The following ARHGEF17 variants were observed in gnomAD, a reference collection of about 807,000 sequenced individuals.
ARHGEF17 encodes Rho guanine nucleotide exchange factor 17, also known as 164 kDa Rho-specific guanine-nucleotide exchange factor.
A neutral mutation model predicts 174.0 loss-of-function variants in ARHGEF17; 80 were observed. The observed-to-expected ratio is 0.46, with a 90% CI of 0.38 to 0.55. The LOEUF (loss-of-function observed/expected upper bound fraction) is 0.55, where lower values mean the gene tolerates loss of function less well. Ranked by LOEUF, ARHGEF17 falls within the 20% of genes least tolerant of loss-of-function variation. The pLI is 0.00. For missense variants in ARHGEF17, 2,886 were observed against 2,839.7 expected (o/e 1.02, Z -0.37); for synonymous variants, 1,311 against 1,189.1 (o/e 1.10, Z -2.11).
Position 73,365,459 on chromosome 11 carries a change from T to G in ARHGEF17, c.5620T>G (p.Trp1874Gly), listed in dbSNP as rs1865818873. Reference protein sequence around the residue: ...ACMVDSSLGVWVTLKGSAHVC... With the variant: ...ACMVDSSLGVGVTLKGSAHVC... ...CATGGTGGACTCCAGCCTGGGTGTG[T>G]GGGTGACATTGAAAGGTAGTGCCCA... The change falls in exon 19 of 21, where the codon TGG (tryptophan) becomes GGG (glycine). Residue 1874 changes from tryptophan to glycine, a missense_variant. This residue lies in a region of ARHGEF17 where 329 missense variants were observed against 435.2 expected (regional missense o/e 0.76). Coordinates refer to ENST00000263674, the MANE Select transcript of ARHGEF17 (RefSeq NM_014786.4). The surrounding 1 kb of genome is among the most constrained non-coding windows in gnomAD (Gnocchi z 4.9). The G allele has an allele frequency of 6.2e-7, 1 of 1,613,872 alleles. No individual in the cohort carries two copies. The highest frequency in any genetic ancestry group is 8.5e-7 in the Non-Finnish European group (1 of 1,180,038).
rs982004537 is a variant in ARHGEF17, at chr11:73,367,852, G to A, written c.*72G>A. 1.1e-4 allele frequency: 162 copies of A among 1,480,190 alleles called. No homozygotes were observed. The highest frequency in any genetic ancestry group is 2.2e-4 in the African/African-American group (16 of 72,340). 91.7% of individuals were successfully genotyped at this position (1,480,190 alleles called of 1,614,324 possible). A position where few individuals can be genotyped will look rare whatever the true frequency, so the allele number is the denominator to read the frequency against. On this transcript the variant is annotated 3_prime_UTR_variant, in exon 21 of 21. Coordinates refer to ENST00000263674, the MANE Select transcript of ARHGEF17 (RefSeq NM_014786.4). ...CTGCTTGCCTCTCCCTAGCCCACAC[G>A]CAGACTTTGACCAGGAGTATCCAGC...
Position 73,310,626 on chromosome 11 carries a change from G to A in ARHGEF17, c.1988G>A (p.Gly663Asp), listed in dbSNP as rs1864807045. Residue 663 changes from glycine to aspartate, a missense_variant, in exon 1 of 21, where the codon GGT becomes GAT. By Grantham distance (94) the Gly-to-Asp change is moderately conservative (BLOSUM62 -1). Transcript: ENST00000263674. ...CCTGTTGCAGCATTTTGCGGCCTGGGTACCACAGGGATGTGGCGACCTCTT... is the reference window on the plus strand; with the variant it reads ...CCTGTTGCAGCATTTTGCGGCCTGGATACCACAGGGATGTGGCGACCTCTT... ...EPPVAAFCGL[G>D]TTGMWRPLSS... 1 of 1,614,016 alleles carries A rather than the reference G, an allele frequency of 6.2e-7. No individual in the cohort carries two copies. Among genetic ancestry groups the A allele is most frequent in the African/African-American group, 1.3e-5 (1 of 74,932 alleles).
In ARHGEF17 at chr11:73,344,977, G is replaced by A. The variant is rs117642853; in HGVS notation, c.3193-1906G>A. Among the ~76,000 whole-genome samples, 927 of 152,330 alleles carry A rather than the reference G, an allele frequency of 6.1e-3. 9 individuals are homozygous for A. The highest frequency in any genetic ancestry group is 0.027 in the Middle Eastern group (8 of 294). On this transcript the variant is annotated intron_variant, in intron 1 of 20. Coordinates refer to ENST00000263674, the MANE Select transcript of ARHGEF17 (RefSeq NM_014786.4). ...GACCCCTCACCTGTGCAGTGGAAAT[G>A]GCAACACCTGTGTCACAGAGCTGAG...
At chr11:73,352,199 C>G (rs1290330600) in intron 2 of ARHGEF17, among the ~76,000 whole-genome samples, 1 of 152,106 alleles carries the variant, frequency 6.6e-6, no homozygotes, top group African/African-American at 2.4e-5. Context: ...TGGCGCAGAC[C>G]TGTAATCCCA....
intron 9 of ARHGEF17, among the ~76,000 whole-genome samples, chr11:73,357,977 T>G (rs960738115): frequency 3.9e-5 from 6 of 152,232 alleles, no homozygotes; most frequent in South Asian, 4.1e-4. Flanking sequence ...GCTCGGCCCC[T>G]TGGTGAACCC....
At chr11:73,350,053 A>G (rs1046040988) in intron 2 of ARHGEF17, among the ~76,000 whole-genome samples, 2 of 152,242 alleles carry the variant, frequency 1.3e-5, no homozygotes, top group African/African-American at 4.8e-5. Flanking sequence ...GGGGATAATA[A>G]TAGACCTGCC....
Position 73,309,355 on chromosome 11 carries a change from C to G in ARHGEF17, c.717C>G (p.Ser239=). The G allele has an allele frequency of 6.2e-7, 1 of 1,606,056 alleles. No homozygotes were observed. Among genetic ancestry groups the G allele is most frequent in the African/African-American group, 1.3e-5 (1 of 74,744 alleles). ...GCTCCTCCTCCTCCATCGCCGCCTC[C>G]TATCCTGTCAGCCGCAGTCGTGCTG... The part of the protein sequence containing the change: ...ASCSSSSIAA[S]YPVSRSRAAS... The change falls in exon 1 of 21, where the codon TCC becomes TCG. Residue 239 remains serine, a synonymous_variant. Transcript: ENST00000263674.
chr11:73,321,692 A>C (rs1316461398), intron 1 of ARHGEF17, among the ~76,000 whole-genome samples: 1 of 152,200 alleles, frequency 6.6e-6, no homozygotes, highest in African/African-American at 2.4e-5. Flanking sequence ...AGAGTCTAGA[A>C]TCCTGTGGTT....
chr11:73,341,354 G>A (rs1364376686), intron 1 of ARHGEF17, among the ~76,000 whole-genome samples: 1 of 152,058 alleles, frequency 6.6e-6, no homozygotes, highest in Non-Finnish European at 1.5e-5. Context: ...GCAATGGTGC[G>A]ACCTCAGCTC....
intron 1 of ARHGEF17, among the ~76,000 whole-genome samples, chr11:73,323,800 G>T (rs1428860666): frequency 6.6e-6 from 1 of 152,254 alleles, no homozygotes; most frequent in Non-Finnish European, 1.5e-5. Flanking sequence ...TAGGAGAAGG[G>T]TGGGCCCGGC....
chr11:73,324,315 C>T (rs186084269), intron 1 of ARHGEF17, among the ~76,000 whole-genome samples: 379 of 152,236 alleles, frequency 2.5e-3, no homozygotes, highest in Middle Eastern at 6.8e-3. Flanking sequence ...GTTCCTGGCA[C>T]GAGGTGGAGC....
Position 73,335,319 on chromosome 11 carries a change from T to TG in ARHGEF17, c.3193-11563dup, listed in dbSNP as rs1156728679. ...GGTTTCTCTGCCTGTAAAATGGGGG[T>TG]GACAGTCCCAGCCTCTTGGGCTGAG... On this transcript the variant is annotated intron_variant, in intron 1 of 20. Coordinates refer to ENST00000263674, the MANE Select transcript of ARHGEF17 (RefSeq NM_014786.4). 2.0e-5 allele frequency among the ~76,000 whole-genome samples: 3 copies of TG among 151,932 alleles called. No homozygotes were observed. The East Asian group carries it at 5.8e-4, about 29-fold the overall frequency.
At chr11:73,344,529 G>A (rs547780840) in intron 1 of ARHGEF17, among the ~76,000 whole-genome samples, 20 of 152,346 alleles carry the variant, frequency 1.3e-4, no homozygotes, top group Non-Finnish European at 2.4e-4. Context: ...CTGATGGGCC[G>A]TTGTGTGGGC....
At chr11:73,316,099 G>C (rs957724036) in intron 1 of ARHGEF17, among the ~76,000 whole-genome samples, 11 of 152,308 alleles carry the variant, frequency 7.2e-5, no homozygotes, top group Admixed American at 2.0e-4. Flanking sequence ...CTGGCCGAGG[G>C]ACTTCCTAGA....
At chr11:73,358,624 ATT>A (rs59474308) in intron 9 of ARHGEF17, among the ~76,000 whole-genome samples, 3 of 142,570 alleles carry the variant, frequency 2.1e-5, no homozygotes, top group Admixed American at 7.0e-5. Flanking sequence ...CGCCCGGTTA[ATT>A]TTTTTTTTTT....
intron 1 of ARHGEF17, among the ~76,000 whole-genome samples, chr11:73,331,996 G>C (rs1384681317): frequency 6.6e-6 from 1 of 152,198 alleles, no homozygotes; most frequent in African/African-American, 2.4e-5. Flanking sequence ...CCCCATGGGA[G>C]GGGGAGCTTG....
chr11:73,327,102 A>T (rs779134350), intron 1 of ARHGEF17, among the ~76,000 whole-genome samples: 1 of 152,190 alleles, frequency 6.6e-6, no homozygotes, highest in African/African-American at 2.4e-5. Context: ...TGGTGCTCCT[A>T]TGAGCAGGCA....
In ARHGEF17 at chr11:73,365,536, C is replaced by G. The variant is rs1346206708; in HGVS notation, c.5697C>G (p.Val1899=). ...TTGAGCAGCTGGCAGAAGTAGACGT[C>G]ACTCCTCCCGTGCACAGGATGCTGG... ...DTFEQLAEVD[V]TPPVHRMLAG... Residue 1899 remains valine, a synonymous_variant, in exon 19 of 21, where the codon GTC becomes GTG. Transcript: ENST00000263674. This position sits in a 1 kb window ranked among gnomAD's most constrained non-coding sequence, Gnocchi z 4.9. 3 of 1,614,158 alleles carry G rather than the reference C, an allele frequency of 1.9e-6. No homozygotes were observed. Among genetic ancestry groups the G allele is most frequent in the Non-Finnish European group, 2.5e-6 (3 of 1,180,038 alleles).
rs1555001079 is a variant in ARHGEF17, at chr11:73,332,407, GTA to G, written c.3193-14474_3193-14473del. Among the ~76,000 whole-genome samples the G allele has an allele frequency of 7.6e-3, 462 of 60,912 alleles. 19 individuals are homozygous for G. The highest frequency in any genetic ancestry group is 0.055 in the East Asian group (91 of 1,660). The allele number at this position is 60,912 out of a possible 152,430, so 40.0% of individuals were successfully genotyped here. Reference sequence around the variant, plus strand: ...TGTGTGTGTGTGTGTGTGTGTGTGTGTATTTTAAATAACATTGAGATGGTGCA... The same window carrying G: ...TGTGTGTGTGTGTGTGTGTGTGTGTGTTTTAAATAACATTGAGATGGTGCA... On this transcript the variant is annotated intron_variant, in intron 1 of 20. Coordinates refer to ENST00000263674, the MANE Select transcript of ARHGEF17 (RefSeq NM_014786.4).
Sources: allele counts gnomAD v4.1 joint callset (sites outside exome capture counted in the v4.1 genomes callset), GRCh38; gene constraint gnomAD v4.1.1; regional missense constraint gnomAD v4.1.1; non-coding constraint Gnocchi (gnomAD v3.1); transcripts MANE v1.5; gene names NCBI Gene and HGNC (gene_info 2026-07-23, HGNC 2026-07-21).